SLC35E4: variants seen among roughly 807,000 people sequenced by gnomAD.
SLC35E4 encodes solute carrier family 35, member E4.
SLC35E4 carries 15 observed loss-of-function variants against 19.3 expected under a neutral mutation model. The observed-to-expected ratio is 0.78, with a 90% CI of 0.52 to 1.20. SLC35E4 has a LOEUF of 1.20. Among genes scored for constraint, SLC35E4 ranks in the 50% most tolerant of loss-of-function variants. The pLI is 0.00. For synonymous variants in SLC35E4, 219 were observed against 219.9 expected (o/e 1.00, Z 0.04); for missense variants, 406 against 472.3 (o/e 0.86, Z 1.30).
intron 1 of SLC35E4, among the ~76,000 whole-genome samples, chr22:30,645,111 A>T (rs1602077688): frequency 6.6e-6 from 1 of 152,184 alleles, no homozygotes; most frequent in East Asian, 1.9e-4. Context: ...CTTTTGACCC[A>T]ATTTATTATT....
At chr22:30,661,888 G>A (rs2088480570) in intron 2 of SLC35E4, 1 of 152,180 alleles carries the variant, frequency 6.6e-6, no homozygotes, top group African/African-American at 2.4e-5. Context: ...TGCAGTCACT[G>A]TTTAGAAGTG....
intron 2 of SLC35E4, among the ~76,000 whole-genome samples, chr22:30,657,296 C>T (rs902619009): frequency 1.9e-5 from 1 of 53,956 alleles, no homozygotes; most frequent in Non-Finnish European, 8.0e-5. Flanking sequence ...CACACACACA[C>T]ACACACACAC....
chr22:30,648,199 C>T (rs544614116), downstream of SLC35E4, among the ~76,000 whole-genome samples: 22 of 152,292 alleles, frequency 1.4e-4, 1 homozygote, highest in South Asian at 4.4e-3. Context: ...GGGACAAAGT[C>T]AGAATTTCCT....
chr22:30,654,196 G>C (rs2088287098), intron 2 of SLC35E4: 6 of 290,992 alleles, frequency 2.1e-5, no homozygotes, highest in Admixed American at 1.8e-4. Flanking sequence ...ATGTTAGCCA[G>C]GATGGTCTCA....
rs1468446857 is a variant in SLC35E4, at chr22:30,636,498, C to T, written c.48C>T (p.Ala16=). Residue 16 remains alanine, a synonymous_variant, in exon 1 of 2, where the codon GCC becomes GCT. Coordinates refer to ENST00000343605, the MANE Select transcript of SLC35E4 (RefSeq NM_001001479.4). ...ACCATGATGGCAGGATGACCTCAGC[C>T]GAAGTAGGAGCAGCAGCTGGTGGTG... The part of the protein sequence containing the change: ...PEHHDGRMTS[A]EVGAAAGGAQ... 6.5e-7 allele frequency: 1 copy of T among 1,534,048 alleles called. No homozygotes were observed. Among genetic ancestry groups the T allele is most frequent in the South Asian group, 1.2e-5 (1 of 83,364 alleles).
At chr22:30,646,246 A>G (rs9609028) in intron 1 of SLC35E4, among the ~76,000 whole-genome samples, 3,319 of 152,216 alleles carry the variant, frequency 0.022, 48 homozygotes, top group Middle Eastern at 0.027. Flanking sequence ...AGTTTTTTAT[A>G]TTTACTGAGC....
At chr22:30,657,948 TAA>T (rs1389310017) in intron 2 of SLC35E4, among the ~76,000 whole-genome samples, 2 of 143,294 alleles carry the variant, frequency 1.4e-5, no homozygotes, top group Non-Finnish European at 3.0e-5. Flanking sequence ...ATAATAATAA[TAA>T]TAATGATTAG....
chr22:30,642,759 G>A (rs558549530), intron 1 of SLC35E4, among the ~76,000 whole-genome samples: 102 of 150,036 alleles, frequency 6.8e-4, no homozygotes, highest in Non-Finnish European at 1.2e-3. Flanking sequence ...GCCAGGCACG[G>A]TGGTTCACAC....
downstream of SLC35E4, among the ~76,000 whole-genome samples, chr22:30,652,520 T>A (rs982027673): frequency 6.6e-6 from 1 of 152,252 alleles, no homozygotes; most frequent in Non-Finnish European, 1.5e-5. Context: ...TCTCCGAATG[T>A]TAGTTCAGCC....
intron 2 of SLC35E4, chr22:30,654,120 C>T (rs62235874): frequency 8.9e-4 from 204 of 228,680 alleles, no homozygotes; most frequent in Non-Finnish European, 1.5e-3. Context: ...GCTGAGACTA[C>T]GGGCGCCCGC....
At chr22:30,664,150 T>C (rs2088571806), downstream of SLC35E4, 1 of 701,372 alleles carries the variant, frequency 1.4e-6, no homozygotes, top group Admixed American at 2.7e-5. Flanking sequence ...CCCTGGGAAA[T>C]GGATGGATAG....
downstream of SLC35E4, chr22:30,664,203 G>A: frequency 1.7e-6 from 1 of 595,756 alleles, no homozygotes. Flanking sequence ...CATCACAGCA[G>A]AACTACCCAG....
rs769185894 is a variant in SLC35E4, at chr22:30,636,818, G to A, written c.368G>A (p.Cys123Tyr). 1 of 1,612,866 alleles carries A rather than the reference G, an allele frequency of 6.2e-7. No homozygotes were observed. The highest frequency in any genetic ancestry group is 8.5e-7 in the Non-Finnish European group (1 of 1,179,620). The change falls in exon 1 of 2, where the codon TGC becomes TAC. Residue 123 changes from cysteine (C) to tyrosine (Y), a missense_variant. Physicochemically the swap from Cys to Tyr is radical, Grantham distance 194. Coordinates refer to ENST00000343605, the MANE Select transcript of SLC35E4 (RefSeq NM_001001479.4). ...LSLTFGTSMA[C>Y]GNVGLRAVPL... The stretch of plus-strand genomic sequence containing the variant: ...CTCACCTTTGGCACGTCCATGGCCT[G>A]CGGCAACGTGGGCCTAAGGGCTGTG...
downstream of SLC35E4, chr22:30,667,408 G>A (rs1004891026): frequency 6.6e-6 from 1 of 152,216 alleles, no homozygotes; most frequent in Non-Finnish European, 1.5e-5. Flanking sequence ...TAGGGGAGCT[G>A]GCATTGGAAT....
downstream of SLC35E4, chr22:30,664,010 G>A (rs770873099): frequency 1.2e-5 from 20 of 1,608,986 alleles, no homozygotes; most frequent in African/African-American, 5.3e-5. Flanking sequence ...TCATCAAGGC[G>A]GTGGGTCAGT....
At chr22:30,663,438 C>G (rs749801940), downstream of SLC35E4, 8 of 1,606,092 alleles carry the variant, frequency 5.0e-6, no homozygotes, top group Non-Finnish European at 6.8e-6. Flanking sequence ...TGGGATGGCT[C>G]ACAGTGGAAT....
chr22:30,645,816 C>A (rs926778095), intron 1 of SLC35E4, among the ~76,000 whole-genome samples: 1 of 141,562 alleles, frequency 7.1e-6, no homozygotes, highest in African/African-American at 2.7e-5. Context: ...CTGTACCTGA[C>A]CGATTTTTTT....
exon 3 of SLC35E4, chr22:30,668,400 C>T (rs572682167): frequency 6.6e-6 from 1 of 152,428 alleles, no homozygotes; most frequent in Non-Finnish European, 1.5e-5. Context: ...GGACCTCGGC[C>T]CTTTTTCACA....
At chr22:30,648,160 T>C (rs898397428), downstream of SLC35E4, among the ~76,000 whole-genome samples, 1 of 152,114 alleles carries the variant, frequency 6.6e-6, no homozygotes, top group Non-Finnish European at 1.5e-5. Context: ...CACTAAAACG[T>C]GCACATTCTG....
Sources: gnomAD v4.1 joint callset for allele counts (sites outside exome capture counted in the v4.1 genomes callset) on GRCh38, gnomAD v4.1.1 for gene constraint, MANE v1.5 for transcripts, NCBI Gene and HGNC (gene_info 2026-07-23, HGNC 2026-07-21) for gene names.